HECW2: variants seen among roughly 807,000 people sequenced by gnomAD.
HECW2 encodes HECT, C2 and WW domain containing E3 ubiquitin protein ligase 2.
In HECW2, 61 loss-of-function variants were observed where a neutral mutation model predicts 175.2. That is an observed-to-expected ratio of 0.35 (90% CI 0.28 to 0.43). The LOEUF (loss-of-function observed/expected upper bound fraction) is 0.43. HECW2 is among the 20% of genes least tolerant of loss of function. The pLI is 1.00. For synonymous variants in HECW2, 671 were observed against 731.0 expected, an observed-to-expected ratio of 0.92 and a Z score of 1.32; for missense variants, 1,524 against 2,000.5, an observed-to-expected ratio of 0.76 and a Z score of 4.54.
chr2:196,348,253 T>A (rs1310262559), intron 2 of HECW2, among the ~76,000 whole-genome samples: 3 of 152,198 alleles, frequency 2.0e-5, no homozygotes, highest in Non-Finnish European at 2.9e-5. Flanking sequence ...CCAACATATT[T>A]TTTTTCCTAT....
intron 6 of HECW2, among the ~76,000 whole-genome samples, chr2:196,323,733 G>C (rs908828749): frequency 6.6e-6 from 1 of 152,114 alleles, no homozygotes; most frequent in Non-Finnish European, 1.5e-5. Flanking sequence ...TTTCAGGCTT[G>C]CACTGGTGAC....
chr2:196,453,630 T>C (rs902056276), intron 1 of HECW2, among the ~76,000 whole-genome samples: 4 of 152,216 alleles, frequency 2.6e-5, no homozygotes, highest in Non-Finnish European at 4.4e-5. Flanking sequence ...GCTTTAACAG[T>C]CAGTGATAGC....
chr2:196,242,400 A>T (rs1369359577), intron 19 of HECW2, 196 bp from the exon 20 acceptor site: 1 of 604,442 alleles, frequency 1.7e-6, no homozygotes, highest in Non-Finnish European at 2.8e-6. Flanking sequence ...TCTTTGTGGC[A>T]TTTTGGTTGA....
At chr2:196,313,492 A>G (rs1691576665) in intron 10 of HECW2, among the ~76,000 whole-genome samples, 1 of 152,182 alleles carries the variant, frequency 6.6e-6, no homozygotes, top group African/African-American at 2.4e-5. Context: ...TCATTAGAAT[A>G]TCTCTCAACC....
At chr2:196,262,182 C>A (rs1689321633) in intron 17 of HECW2, among the ~76,000 whole-genome samples, 1 of 152,084 alleles carries the variant, frequency 6.6e-6, no homozygotes. Context: ...TGTACCACCA[C>A]ACCCAGCTAA....
chr2:196,530,536 T>C (rs892985144), intron 1 of HECW2, among the ~76,000 whole-genome samples: 1 of 152,208 alleles, frequency 6.6e-6, no homozygotes, highest in Non-Finnish European at 1.5e-5. Context: ...GTGCCACCTT[T>C]ATAAATTGCA....
chr2:196,232,019 T>C (rs761640485), intron 21 of HECW2, among the ~76,000 whole-genome samples: 9 of 151,816 alleles, frequency 5.9e-5, no homozygotes, highest in Non-Finnish European at 8.8e-5. Flanking sequence ...GCTTACAATA[T>C]CCTAGGGTGT....
chr2:196,471,763 A>C (rs1697206392), intron 1 of HECW2, among the ~76,000 whole-genome samples: 1 of 152,146 alleles, frequency 6.6e-6, no homozygotes, highest in Non-Finnish European at 1.5e-5. Context: ...GGGGCTAAAC[A>C]ATGAGAACAC....
chr2:196,559,657 C>A (rs1340483196), intron 1 of HECW2, among the ~76,000 whole-genome samples: 1 of 152,160 alleles, frequency 6.6e-6, no homozygotes, highest in Admixed American at 6.5e-5. Context: ...TCTCTTCATG[C>A]TGAATTATAA....
At chr2:196,407,880 T>C (rs961162169) in intron 2 of HECW2, among the ~76,000 whole-genome samples, 3 of 152,240 alleles carry the variant, frequency 2.0e-5, no homozygotes, top group African/African-American at 7.2e-5. Context: ...GGTGTTAAAA[T>C]GCTTGTTGAA....
intron 1 of HECW2, among the ~76,000 whole-genome samples, chr2:196,587,027 T>C (rs936352778): frequency 6.6e-6 from 1 of 152,224 alleles, no homozygotes; most frequent in Non-Finnish European, 1.5e-5. Context: ...GGATAATGTT[T>C]GTCTTTAACT....
chr2:196,325,124 T>C lies in HECW2; in HGVS notation c.597A>G (p.Lys199=), dbSNP rs778140339. 5 of 1,603,860 alleles carry C rather than the reference T, an allele frequency of 3.1e-6. No homozygotes were observed. Among genetic ancestry groups the C allele is most frequent in the Non-Finnish European group, 4.3e-6 (5 of 1,176,104 alleles). Reference sequence around the variant, plus strand: ...AAGGGTCAGGATTGAAGAACATCCCTTTCTTTAGCCCAACTGCCCTAAGAT... The same window carrying C: ...AAGGGTCAGGATTGAAGAACATCCCCTTCTTTAGCCCAACTGCCCTAAGAT... ...LSDLRAVGLK[K]GMFFNPDPYL... The change falls in exon 6 of 29, where the codon AAA becomes AAG. Residue 199 remains lysine, a synonymous_variant. Coordinates refer to ENST00000644978, the MANE Select transcript of HECW2 (RefSeq NM_001348768.2).
chr2:196,452,464 C>T (rs1015281320), intron 1 of HECW2, among the ~76,000 whole-genome samples: 5 of 152,110 alleles, frequency 3.3e-5, no homozygotes, highest in African/African-American at 1.2e-4. Context: ...AATTTTAACT[C>T]TTAAAGCCAT....
intron 28 of HECW2, among the ~76,000 whole-genome samples, chr2:196,209,765 CTTT>C (rs59896485): frequency 2.9e-4 from 41 of 140,196 alleles, no homozygotes; most frequent in East Asian, 4.3e-4. Context: ...TTCTTTCTTT[CTTT>C]TTTTTTTTTT....
At chr2:196,518,526 G>A (rs7602333) in intron 1 of HECW2, among the ~76,000 whole-genome samples, 23,444 of 151,676 alleles carry the variant, frequency 0.15, 3,333 homozygotes, top group African/African-American at 0.38. Context: ...CATGGTGGCA[G>A]TGCCTGTAAT....
chr2:196,273,214 C>T (rs1029974684), intron 16 of HECW2, among the ~76,000 whole-genome samples: 3 of 151,884 alleles, frequency 2.0e-5, no homozygotes, highest in Non-Finnish European at 4.4e-5. Flanking sequence ...CCTACAGGTG[C>T]GTGCCACCAT....
At chr2:196,221,342 G>A (rs1171415087) in intron 24 of HECW2, among the ~76,000 whole-genome samples, 1 of 152,062 alleles carries the variant, frequency 6.6e-6, no homozygotes, top group African/African-American at 2.4e-5. Flanking sequence ...GTTAAATTGA[G>A]AACTTTTTCA....
chr2:196,405,066 C>T (rs1004826242), intron 2 of HECW2, among the ~76,000 whole-genome samples: 16 of 151,008 alleles, frequency 1.1e-4, no homozygotes, highest in African/African-American at 1.5e-4. Flanking sequence ...CTCCTGACCT[C>T]GTGATCCGCC....
At position 196,194,440 on chromosome 2, in the gene HECW2, G is replaced by C. The variant is rs569667949; in HGVS notation, c.*6837C>G. 6.6e-6 allele frequency: 1 copy of C among 152,032 alleles called. No homozygotes were observed. The highest frequency in any genetic ancestry group is 2.1e-4 in the South Asian group (1 of 4,814). 9.4% of individuals were successfully genotyped at this position (152,032 alleles called of 1,614,324 possible). A position where few individuals can be genotyped will look rare whatever the true frequency, so the allele number is the denominator to read the frequency against. ...TGCAACATGGTTTTAAACAAAAATA[G>C]AGATCAGTATGAAAATAAAACAAAT... On this transcript the variant is annotated 3_prime_UTR_variant, in exon 29 of 29. Coordinates refer to ENST00000644978, the MANE Select transcript of HECW2 (RefSeq NM_001348768.2).
Sources: allele counts gnomAD v4.1 joint callset (sites outside exome capture counted in the v4.1 genomes callset), GRCh38; gene constraint gnomAD v4.1.1; transcripts MANE v1.5; gene names NCBI Gene and HGNC (gene_info 2026-07-23, HGNC 2026-07-21).